ATP9B: variants seen among roughly 807,000 people sequenced by gnomAD.
ATP9B encodes the protein probable phospholipid-transporting ATPase IIB.
In ATP9B, 110 loss-of-function variants were observed where a neutral mutation model predicts 146.1. That is an observed-to-expected ratio of 0.75 (90% confidence interval 0.65 to 0.88). ATP9B has a LOEUF of 0.88. Ranked by LOEUF, ATP9B falls within the 40% of genes least tolerant of loss-of-function variation. The probability of loss-of-function intolerance (pLI) is 0.00; values close to 1 mark genes in which losing one functional copy is unlikely to be tolerated. For synonymous variants in ATP9B, 604 were observed against 569.7 expected (o/e 1.06, Z -0.86); for missense variants, 1,499 against 1,496.4 (o/e 1.00, Z -0.03).
At chr18:79,342,387 C>G in intron 20 of ATP9B, 21 bp downstream of exon 20, 1 of 1,538,342 alleles carries the variant, frequency 6.5e-7, no homozygotes, top group African/African-American at 1.4e-5. Flanking sequence ...ATCTTAATCA[C>G]TTTGAATTTT....
intron 13 of ATP9B, among the ~76,000 whole-genome samples, chr18:79,290,533 C>G (rs1385049815): frequency 6.6e-6 from 1 of 152,220 alleles, no homozygotes; most frequent in African/African-American, 2.4e-5. Flanking sequence ...CTTTCTTTGA[C>G]TAGGAAAGGG....
At chr18:79,194,321 T>C (rs988662256) in intron 9 of ATP9B, 1 of 152,250 alleles carries the variant, frequency 6.6e-6, no homozygotes, top group Non-Finnish European at 1.5e-5. Flanking sequence ...TGAAATATTA[T>C]TTGCTTTCTT....
At chr18:79,349,811 C>T (rs1355171501) in intron 25 of ATP9B, among the ~76,000 whole-genome samples, 1 of 152,022 alleles carries the variant, frequency 6.6e-6, no homozygotes, top group Non-Finnish European at 1.5e-5. Context: ...CCTCTCTGTC[C>T]TCTGGCCTCC....
chr18:79,225,066 A>C (rs2095715748), intron 11 of ATP9B, among the ~76,000 whole-genome samples: 1 of 152,098 alleles, frequency 6.6e-6, no homozygotes, highest in Non-Finnish European at 1.5e-5. Context: ...ACAGTGTCTG[A>C]ATGATTTTCC....
intron 2 of ATP9B, among the ~76,000 whole-genome samples, chr18:79,103,010 G>A (rs2075390619): frequency 6.6e-6 from 1 of 152,178 alleles, no homozygotes; most frequent in Non-Finnish European, 1.5e-5. Flanking sequence ...GGTGCTAAGA[G>A]TGGTTTTGTA....
At chr18:79,084,550 A>G (rs910228241) in intron 1 of ATP9B, among the ~76,000 whole-genome samples, 5 of 152,102 alleles carry the variant, frequency 3.3e-5, no homozygotes, top group Non-Finnish European at 1.5e-5. Context: ...AAAAAAAAAA[A>G]ATGTAAGCGT....
intron 12 of ATP9B, among the ~76,000 whole-genome samples, chr18:79,263,054 A>G (rs1334305879): frequency 1.3e-5 from 2 of 152,162 alleles, no homozygotes; most frequent in Non-Finnish European, 2.9e-5. Context: ...GCATTGTTTT[A>G]TTTTGTAATG....
At chr18:79,346,393 A>C (rs2096887772) in intron 23 of ATP9B, among the ~76,000 whole-genome samples, 1 of 150,516 alleles carries the variant, frequency 6.6e-6, no homozygotes. Context: ...CTTGTTTAGC[A>C]CTACTATGCT....
At chr18:79,276,570 A>C (rs1219850459) in intron 12 of ATP9B, among the ~76,000 whole-genome samples, 1 of 152,184 alleles carries the variant, frequency 6.6e-6, no homozygotes, top group Non-Finnish European at 1.5e-5. Flanking sequence ...CGCCTGCTCC[A>C]TGTGTGTGCC....
chr18:79,322,162 C>A (rs1443541757), intron 15 of ATP9B, among the ~76,000 whole-genome samples: 2 of 152,056 alleles, frequency 1.3e-5, no homozygotes, highest in East Asian at 3.9e-4. Context: ...ACTGCGTCAT[C>A]CCTAGCACAA....
At chr18:79,232,579 A>G (rs2095802543) in intron 11 of ATP9B, among the ~76,000 whole-genome samples, 1 of 152,212 alleles carries the variant, frequency 6.6e-6, no homozygotes, top group African/African-American at 2.4e-5. Context: ...CTTTCAACAG[A>G]CATTCCAAGA....
intron 1 of ATP9B, among the ~76,000 whole-genome samples, chr18:79,087,102 G>A (rs1268519917): frequency 1.3e-5 from 2 of 152,226 alleles, no homozygotes; most frequent in African/African-American, 4.8e-5. Flanking sequence ...CCTTCTTGGT[G>A]TGTCCTCACA....
intron 4 of ATP9B, among the ~76,000 whole-genome samples, chr18:79,120,763 A>G (rs2094175085): frequency 6.6e-6 from 1 of 152,244 alleles, no homozygotes; most frequent in South Asian, 2.1e-4. Flanking sequence ...TCTTCTATAT[A>G]AAATGTCTTC....
intron 16 of ATP9B, among the ~76,000 whole-genome samples, chr18:79,329,750 A>G (rs1016226901): frequency 1.3e-5 from 2 of 152,226 alleles, no homozygotes; most frequent in African/African-American, 4.8e-5. Context: ...AAGAGAATGA[A>G]TGCAACTCAA....
chr18:79,336,789 A>G (rs1209479531), intron 18 of ATP9B, 78 bp downstream of exon 18: 18 of 1,435,938 alleles, frequency 1.3e-5, no homozygotes, highest in African/African-American at 4.2e-5. Flanking sequence ...CTGTCTTTGT[A>G]TGAAATTAGA....
intron 11 of ATP9B, among the ~76,000 whole-genome samples, chr18:79,234,204 CGAGGCTA>C (rs2095818041): frequency 6.6e-6 from 1 of 152,144 alleles, no homozygotes; most frequent in Non-Finnish European, 1.5e-5. Flanking sequence ...TTTATTTAGA[CGAGGCTA>C]GAGGCCTTCA....
chr18:79,126,577 G>A (rs925968747), intron 5 of ATP9B, among the ~76,000 whole-genome samples: 1 of 152,150 alleles, frequency 6.6e-6, no homozygotes, highest in South Asian at 2.1e-4. Context: ...CTGTTTGGAT[G>A]TATGTTGTGT....
At chr18:79,202,483 C>G (rs749826068) in intron 9 of ATP9B, among the ~76,000 whole-genome samples, 4 of 152,152 alleles carry the variant, frequency 2.6e-5, no homozygotes, top group African/African-American at 7.2e-5. Context: ...TTCAAAAAAG[C>G]AAACCTCTGC....
At chr18:79,070,740 C>T (rs1248496823) in intron 1 of ATP9B, among the ~76,000 whole-genome samples, 1 of 149,932 alleles carries the variant, frequency 6.7e-6, no homozygotes, top group African/African-American at 2.5e-5. Flanking sequence ...GTGGATTGTT[C>T]CTTTCATTGT....
Sources: allele counts gnomAD v4.1 joint callset (sites outside exome capture counted in the v4.1 genomes callset), GRCh38; gene constraint gnomAD v4.1.1; transcripts MANE v1.5; gene names NCBI Gene and HGNC (gene_info 2026-07-23, HGNC 2026-07-21).